The following BMP2K variants were observed in gnomAD, a reference collection of about 807,000 sequenced individuals.
BMP2K encodes BMP2 inducible kinase.
A neutral mutation model predicts 116.0 loss-of-function variants in BMP2K; 74 were observed. The ratio of observed to expected loss-of-function variants is 0.64; its 90% CI spans 0.53 to 0.77. The LOEUF is 0.77. Ranked by LOEUF, BMP2K falls within the 30% of genes least tolerant of loss-of-function variation. The pLI, the probability that BMP2K is intolerant of heterozygous loss-of-function variation, is 0.00. For synonymous variants in BMP2K, 486 were observed against 502.5 expected (o/e 0.97, Z 0.44); for missense variants, 1,365 against 1,403.6 (o/e 0.97, Z 0.44).
chr4:78,811,033 T>C (rs1476284117), intron 1 of BMP2K, among the ~76,000 whole-genome samples: 1 of 152,242 alleles, frequency 6.6e-6, no homozygotes, highest in African/African-American at 2.4e-5. Flanking sequence ...TATACTCTTC[T>C]GTGATTCAGC....
chr4:78,802,578 C>A (rs1382721155), intron 1 of BMP2K, among the ~76,000 whole-genome samples: 1 of 152,118 alleles, frequency 6.6e-6, no homozygotes, highest in South Asian at 2.1e-4. Flanking sequence ...GAATGTTTAT[C>A]TTTTAATAGT....
chr4:78,879,295 C>T (rs1462897947), intron 14 of BMP2K: 2 of 994,764 alleles, frequency 2.0e-6, no homozygotes, highest in African/African-American at 1.7e-5. Flanking sequence ...CTGAGATGCC[C>T]TTTGAAAATG....
intron 15 of BMP2K, among the ~76,000 whole-genome samples, chr4:78,900,782 A>G (rs1447040508): frequency 1.3e-5 from 2 of 152,178 alleles, no homozygotes; most frequent in African/African-American, 4.8e-5. Flanking sequence ...GATTTCTGGG[A>G]AAGTTAAATT....
intron 15 of BMP2K, among the ~76,000 whole-genome samples, chr4:78,891,062 T>G (rs1159998742): frequency 6.6e-6 from 1 of 152,156 alleles, no homozygotes; most frequent in Non-Finnish European, 1.5e-5. Flanking sequence ...TAAACTTTGC[T>G]GCCTAAAAGT....
intron 1 of BMP2K, among the ~76,000 whole-genome samples, chr4:78,823,069 A>G (rs1729699161): frequency 6.6e-6 from 1 of 152,164 alleles, no homozygotes; most frequent in South Asian, 2.1e-4. Flanking sequence ...AGATACAATT[A>G]ACGATCACTG....
At chr4:78,889,105 C>G (rs1733273615) in intron 15 of BMP2K, among the ~76,000 whole-genome samples, 1 of 151,594 alleles carries the variant, frequency 6.6e-6, no homozygotes, top group Admixed American at 6.6e-5. Flanking sequence ...CCTGTAATCC[C>G]AGCTACTCGG....
chr4:78,821,385 A>G (rs1445813934), intron 1 of BMP2K, among the ~76,000 whole-genome samples: 1 of 152,150 alleles, frequency 6.6e-6, no homozygotes, highest in Non-Finnish European at 1.5e-5. Context: ...GAAAAAAAAC[A>G]CTGTTTCCAA....
chr4:78,826,242 C>A, intron 2 of BMP2K, 87 bp downstream of exon 2: 1 of 1,031,110 alleles, frequency 9.7e-7, no homozygotes, highest in Non-Finnish European at 1.5e-6. Context: ...GAGTGGCACG[C>A]CCAGGCTGGA....
chr4:78,845,232 G>C (rs933313815), intron 5 of BMP2K, among the ~76,000 whole-genome samples, 183 bp downstream of exon 5: 1 of 151,480 alleles, frequency 6.6e-6, no homozygotes, highest in Non-Finnish European at 1.5e-5. Context: ...TTTTGCCATA[G>C]ATGCAGATTT....
intron 7 of BMP2K, among the ~76,000 whole-genome samples, chr4:78,851,929 C>T (rs911025601): frequency 6.6e-6 from 1 of 151,918 alleles, no homozygotes; most frequent in Non-Finnish European, 1.5e-5. Context: ...GACTCATGAA[C>T]CCAAACTCAT....
intron 2 of BMP2K, among the ~76,000 whole-genome samples, chr4:78,833,257 TAAA>T (rs1730292757): frequency 1.3e-5 from 2 of 152,090 alleles, no homozygotes; most frequent in Non-Finnish European, 2.9e-5. Context: ...ATTTTTTAGA[TAAA>T]AACAAATGTA....
chr4:78,842,450 C>A lies in BMP2K; in HGVS notation c.469C>A (p.Gln157Lys). The change falls in exon 4 of 16, where the codon CAG becomes AAG. Residue 157 changes from glutamine (Q) to lysine (K), a missense_variant. Around this residue, in one of 3 missense-constraint regions of BMP2K, gnomAD observed 762 missense variants for 756.7 expected, o/e 1.01. Coordinates refer to ENST00000502613, the MANE Select transcript of BMP2K (RefSeq NM_198892.2). Reference sequence around the variant, plus strand: ...GGGTTTTACAGAACCAGAAGTGTTACAGATATTCTGTGATACCTGTGAAGC... The same window carrying A: ...GGGTTTTACAGAACCAGAAGTGTTAAAGATATTCTGTGATACCTGTGAAGC... Reference protein sequence around the residue: ...QTGFTEPEVLQIFCDTCEAVA... With the variant: ...QTGFTEPEVLKIFCDTCEAVA... The A allele has an allele frequency of 5.6e-6, 9 of 1,608,646 alleles. No individual in the cohort carries two copies. Among genetic ancestry groups the A allele is most frequent in the Non-Finnish European group, 7.7e-6 (9 of 1,176,150 alleles).
At chr4:78,909,518 A>G (rs143327081) in intron 15 of BMP2K, among the ~76,000 whole-genome samples, 1 of 152,078 alleles carries the variant, frequency 6.6e-6, no homozygotes, top group East Asian at 1.9e-4. Flanking sequence ...TCCTTACCTC[A>G]TGTTGTACCT....
chr4:78,847,908 A>G (rs1288834504), intron 6 of BMP2K, among the ~76,000 whole-genome samples: 1 of 151,704 alleles, frequency 6.6e-6, no homozygotes, highest in Non-Finnish European at 1.5e-5. Flanking sequence ...ATTTAAATTC[A>G]GCAGTTACTT....
At chr4:78,798,709 AAT>A (rs1053818147) in intron 1 of BMP2K, among the ~76,000 whole-genome samples, 2 of 152,244 alleles carry the variant, frequency 1.3e-5, no homozygotes, top group Non-Finnish European at 2.9e-5. Flanking sequence ...AATATATTTT[AAT>A]ATAAACCTAA....
At chr4:78,789,282 G>C (rs926086141) in intron 1 of BMP2K, among the ~76,000 whole-genome samples, 1 of 152,132 alleles carries the variant, frequency 6.6e-6, no homozygotes, top group Non-Finnish European at 1.5e-5. Context: ...GTAGAACTTA[G>C]TTCTCGTGAC....
At chr4:78,776,775 G>C (rs1727269186) in intron 1 of BMP2K, 54 bp downstream of exon 1, 1 of 1,220,482 alleles carries the variant, frequency 8.2e-7, no homozygotes, top group Admixed American at 4.3e-5. Flanking sequence ...TTGGGGTGTG[G>C]CGGCGGCTTC....
intron 2 of BMP2K, 110 bp from the exon 3 acceptor site, chr4:78,833,472 C>T: frequency 1.4e-6 from 1 of 723,676 alleles, no homozygotes; most frequent in Non-Finnish European, 2.2e-6. Context: ...GTACTCATGC[C>T]TAATTCTTAC....
At chr4:78,876,178 C>T (rs7681426) in intron 13 of BMP2K, among the ~76,000 whole-genome samples, 2,524 of 151,834 alleles carry the variant, frequency 0.017, 34 homozygotes, top group Middle Eastern at 0.038. Context: ...ATAGGGAATC[C>T]GAAAGTTCTA....
Sources: gnomAD v4.1 joint callset for allele counts (sites outside exome capture counted in the v4.1 genomes callset) on GRCh38, gnomAD v4.1.1 for gene constraint, gnomAD v4.1.1 regional missense constraint, MANE v1.5 for transcripts, NCBI Gene and HGNC (gene_info 2026-07-23, HGNC 2026-07-21) for gene names.